The following MALRD1 variants were observed in gnomAD, a reference collection of about 807,000 sequenced individuals.
The protein encoded by MALRD1 is MAM and LDL-receptor class A domain-containing protein 1.
MALRD1 carries 247 observed loss-of-function variants against 242.1 expected under a neutral mutation model. The observed-to-expected ratio is 1.02, with a 90% CI of 0.92 to 1.13. MALRD1 has a LOEUF of 1.13. Ranked by LOEUF, MALRD1 falls within the 50% of genes most tolerant of loss-of-function variation. The probability of loss-of-function intolerance (pLI) is 0.00; values close to 1 mark genes in which losing one functional copy is unlikely to be tolerated. For synonymous variants in MALRD1, 995 were observed against 866.6 expected (o/e 1.15, Z -2.60); for missense variants, 2,989 against 2,533.1 (o/e 1.18, Z -3.86).
chr10:19,719,189 T>C (rs2478750), intron 38 of MALRD1, among the ~76,000 whole-genome samples: 4,883 of 36,606 alleles, frequency 0.13, 262 homozygotes, highest in South Asian at 0.29. Flanking sequence ...TATATATATA[T>C]ACATACATAT....
At position 19,209,654 on chromosome 10, in the gene MALRD1, A is replaced by G; in HGVS notation, c.2965A>G (p.Asn989Asp). ...QGNRWIRKHL[N>D]ISSRQPFQIL... ...CAACAGATGGATTAGGAAACACCTC[A>G]ACATTTCCAGCAGGCAGCCCTTTCA... Residue 989 changes from asparagine to aspartate, a missense_variant, in exon 18 of 40, where the codon AAC (asparagine) becomes GAC (aspartate). By Grantham distance (23) the Asn-to-Asp change is conservative. Transcript: ENST00000454679. 1.3e-6 allele frequency: 2 copies of G among 1,549,772 alleles called. No homozygotes were observed. Among genetic ancestry groups the G allele is most frequent in the Non-Finnish European group, 1.7e-6 (2 of 1,146,408 alleles).
intron 14 of MALRD1, among the ~76,000 whole-genome samples, chr10:19,176,365 G>GTTTTTTTTTTTTTTTTTTTTT (rs796126920): frequency 1.0e-5 from 1 of 97,180 alleles, no homozygotes; most frequent in Non-Finnish European, 2.2e-5. Flanking sequence ...ATTTCTGGGT[G>GTTTTTTTTTTTTTTTTTTTTT]CTTTTTTTTT....
At chr10:19,665,234 TGACAA>T (rs947990331) in intron 36 of MALRD1, among the ~76,000 whole-genome samples, 4 of 152,156 alleles carry the variant, frequency 2.6e-5, no homozygotes, top group African/African-American at 7.2e-5. Flanking sequence ...TACAGAGAAG[TGACAA>T]GACAAAACAA....
At chr10:19,069,383 T>A (rs1835073499) in intron 2 of MALRD1, among the ~76,000 whole-genome samples, 1 of 152,064 alleles carries the variant, frequency 6.6e-6, no homozygotes, top group Non-Finnish European at 1.5e-5. Context: ...AATCTTTATA[T>A]ATTATAAGCC....
chr10:19,384,457 TATA>T (rs1350510246), intron 26 of MALRD1, among the ~76,000 whole-genome samples: 311 of 117,118 alleles, frequency 2.7e-3, no homozygotes, highest in Non-Finnish European at 4.5e-3. Context: ...GTATATATAA[TATA>T]ATATATACTA....
At chr10:19,229,347 A>C (rs1837947940) in intron 18 of MALRD1, among the ~76,000 whole-genome samples, 1 of 152,162 alleles carries the variant, frequency 6.6e-6, no homozygotes. Context: ...ATCACTGATC[A>C]ATGAAACTTT....
chr10:19,370,424 T>C (rs1414609181), intron 26 of MALRD1, among the ~76,000 whole-genome samples: 1 of 152,120 alleles, frequency 6.6e-6, no homozygotes, highest in Non-Finnish European at 1.5e-5. Flanking sequence ...TTTGATTGTA[T>C]AGATCTTGTC....
intron 26 of MALRD1, among the ~76,000 whole-genome samples, chr10:19,387,271 G>T (rs7897577): frequency 6.6e-6 from 1 of 151,282 alleles, no homozygotes; most frequent in Admixed American, 6.6e-5. Flanking sequence ...AGATGGAGGG[G>T]TACTTTCCTA....
At position 19,473,312 on chromosome 10, in the gene MALRD1, A is replaced by G. The variant is rs1421584066; in HGVS notation, c.5030-18205A>G. On this transcript the variant is annotated intron_variant, in intron 29 of 39. Coordinates refer to ENST00000454679, the MANE Select transcript of MALRD1 (RefSeq NM_001142308.3). ...GTAATTTTTAAAAAAGTATTTAAAA[A>G]TTGTGGTAAAATATATAGAACATAA... Among the ~76,000 whole-genome samples, 5 of 151,900 alleles carry G rather than the reference A, an allele frequency of 3.3e-5. No homozygotes were observed. In the East Asian group the frequency reaches 9.6e-4, roughly 29 times the overall value.
chr10:19,149,066 G>GTCCA (rs1180556182), intron 11 of MALRD1, among the ~76,000 whole-genome samples: 10 of 140,006 alleles, frequency 7.1e-5, no homozygotes, highest in East Asian at 4.3e-4. Flanking sequence ...TTTTAAATCT[G>GTCCA]TCTATCTGTC....
chr10:19,508,271 G>A (rs1833233659), intron 31 of MALRD1, among the ~76,000 whole-genome samples: 1 of 152,104 alleles, frequency 6.6e-6, no homozygotes, highest in South Asian at 2.1e-4. Flanking sequence ...CAAACACAAT[G>A]TGAAATTTCA....
At chr10:19,642,131 A>G (rs1342759388) in intron 36 of MALRD1, among the ~76,000 whole-genome samples, 1 of 152,194 alleles carries the variant, frequency 6.6e-6, no homozygotes, top group Non-Finnish European at 1.5e-5. Flanking sequence ...GGGTTATATC[A>G]GCAGAACATA....
chr10:19,376,637 C>A (rs1388697017), intron 26 of MALRD1, among the ~76,000 whole-genome samples: 1 of 144,004 alleles, frequency 6.9e-6, no homozygotes, highest in African/African-American at 2.6e-5. Context: ...CTCACTGCAA[C>A]CTCTGCCTCC....
chr10:19,679,836 A>T (rs1217483196), intron 36 of MALRD1, among the ~76,000 whole-genome samples: 1 of 152,112 alleles, frequency 6.6e-6, no homozygotes, highest in Non-Finnish European at 1.5e-5. Context: ...TGTCCCAGAG[A>T]TTCTGGTACA....
At chr10:19,158,145 T>G (rs1035172586) in intron 12 of MALRD1, among the ~76,000 whole-genome samples, 2 of 152,198 alleles carry the variant, frequency 1.3e-5, no homozygotes, top group Non-Finnish European at 2.9e-5. Context: ...AACTAGGAAA[T>G]GTAAAGTATG....
At chr10:19,490,422 G>T (rs2131214396) in intron 29 of MALRD1, among the ~76,000 whole-genome samples, 1 of 147,526 alleles carries the variant, frequency 6.8e-6, no homozygotes, top group East Asian at 2.1e-4. Context: ...GCACAAGCGA[G>T]TACAGGCATA....
chr10:19,540,485 G>T (rs1267807321), intron 32 of MALRD1, among the ~76,000 whole-genome samples: 1 of 152,128 alleles, frequency 6.6e-6, no homozygotes, highest in East Asian at 1.9e-4. Context: ...ATGAAATATG[G>T]TGCATAAAGA....
At chr10:19,075,518 A>G (rs1835289975) in intron 2 of MALRD1, among the ~76,000 whole-genome samples, 1 of 152,046 alleles carries the variant, frequency 6.6e-6, no homozygotes, top group South Asian at 2.1e-4. Flanking sequence ...CAAGAAAGTA[A>G]TACAGGGGCC....
chr10:19,216,537 T>C (rs765381354), intron 18 of MALRD1, among the ~76,000 whole-genome samples: 4 of 152,210 alleles, frequency 2.6e-5, no homozygotes, highest in Non-Finnish European at 5.9e-5. Context: ...TTAATATTTC[T>C]TGAACCTCAG....
Sources: gnomAD v4.1 joint callset for allele counts (sites outside exome capture counted in the v4.1 genomes callset) on GRCh38, gnomAD v4.1.1 for gene constraint, MANE v1.5 for transcripts, NCBI Gene and HGNC (gene_info 2026-07-23, HGNC 2026-07-21) for gene names.